TDRD7: variants seen among roughly 807,000 people sequenced by gnomAD.
TDRD7 encodes tudor domain containing 7.
A neutral mutation model predicts 109.8 loss-of-function variants in TDRD7; 47 were observed. That is an observed-to-expected ratio of 0.43 (90% CI 0.34 to 0.55). TDRD7 has a LOEUF of 0.55. TDRD7 is among the 20% of genes least tolerant of loss of function. The pLI is 0.03. For synonymous variants in TDRD7, 424 were observed against 457.3 expected (o/e 0.93, Z 0.93); for missense variants, 1,164 against 1,319.2 (o/e 0.88, Z 1.82).
At chr9:97,421,698 TTG>T (rs59218055) in intron 1 of TDRD7, among the ~76,000 whole-genome samples, 11,418 of 142,684 alleles carry the variant, frequency 0.08, 511 homozygotes, top group East Asian at 0.14. Flanking sequence ...TGCCCAGCTT[TTG>T]TGTGTGTGTG....
intron 5 of TDRD7, among the ~76,000 whole-genome samples, chr9:97,439,894 A>T (rs1828270311): frequency 6.6e-6 from 1 of 152,202 alleles, no homozygotes; most frequent in Non-Finnish European, 1.5e-5. Context: ...ACCACTTGTT[A>T]TCTTTTCTTC....
chr9:97,476,969 G>A (rs965228072), intron 12 of TDRD7, among the ~76,000 whole-genome samples: 4 of 152,076 alleles, frequency 2.6e-5, no homozygotes, highest in African/African-American at 9.7e-5. Context: ...TCAGAAGGCT[G>A]AAATCTCGGG....
chr9:97,467,332 G>A (rs1005192112), intron 8 of TDRD7, among the ~76,000 whole-genome samples: 3 of 152,172 alleles, frequency 2.0e-5, no homozygotes, highest in African/African-American at 7.2e-5. Context: ...AGTCTATAGG[G>A]CAGTCACTTT....
chr9:97,428,398 A>G, intron 1 of TDRD7, 62 bp from the exon 2 acceptor site: 4 of 1,516,996 alleles, frequency 2.6e-6, no homozygotes, highest in Non-Finnish European at 3.6e-6. Flanking sequence ...AGCTCTGAAA[A>G]TCTATTTGAA....
chr9:97,452,338 A>C (rs1828512258), intron 6 of TDRD7, among the ~76,000 whole-genome samples: 1 of 152,254 alleles, frequency 6.6e-6, no homozygotes, highest in Non-Finnish European at 1.5e-5. Flanking sequence ...AGGATATCTG[A>C]ATCAATTCCA....
intron 7 of TDRD7, among the ~76,000 whole-genome samples, chr9:97,461,109 C>T (rs1299679779): frequency 1.3e-5 from 2 of 151,182 alleles, no homozygotes; most frequent in African/African-American, 4.9e-5. Flanking sequence ...CCACTGCACT[C>T]CAGCCTGGGC....
rs1829392260 is a variant in TDRD7, at chr9:97,495,995, T to C, written c.*112T>C. On this transcript the variant is annotated 3_prime_UTR_variant, in exon 17 of 17. Transcript: ENST00000355295. The stretch of plus-strand genomic sequence containing the variant: ...ACATGGCTCTGACTGCTGTGGGGGA[T>C]TGAAAAGAATATGCTTATGTTTGAT... The C allele has an allele frequency of 1.2e-6, 1 of 835,740 alleles. No homozygotes were observed. The allele number at this position is 835,740 out of a possible 1,614,324, so 51.8% of individuals were successfully genotyped here.
At chr9:97,438,833 A>G (rs942158296) in intron 4 of TDRD7, among the ~76,000 whole-genome samples, 2 of 152,210 alleles carry the variant, frequency 1.3e-5, no homozygotes, top group African/African-American at 4.8e-5. Flanking sequence ...AACTCATTTA[A>G]GTGTTGTAAC....
chr9:97,467,951 T>G (rs1306945459), intron 8 of TDRD7, among the ~76,000 whole-genome samples: 1 of 152,226 alleles, frequency 6.6e-6, no homozygotes, highest in Non-Finnish European at 1.5e-5. Flanking sequence ...AGATTCAAGA[T>G]AAGCTACTGG....
intron 6 of TDRD7, among the ~76,000 whole-genome samples, chr9:97,446,896 G>C (rs1010522102): frequency 1.3e-5 from 2 of 152,190 alleles, no homozygotes; most frequent in African/African-American, 4.8e-5. Flanking sequence ...ATATCCTCAG[G>C]CTTAGTGGTA....
chr9:97,448,718 G>C (rs758995292), intron 6 of TDRD7, among the ~76,000 whole-genome samples: 16 of 152,170 alleles, frequency 1.1e-4, no homozygotes, highest in Non-Finnish European at 1.8e-4. Context: ...TGATTTTGCT[G>C]TACTGTCTCA....
At chr9:97,442,835 C>T (rs1828334406) in intron 6 of TDRD7, among the ~76,000 whole-genome samples, 1 of 150,852 alleles carries the variant, frequency 6.6e-6, no homozygotes, top group African/African-American at 2.4e-5. Context: ...CACTTTTTGT[C>T]ACCCAGGCTG....
intron 13 of TDRD7, 173 bp from the exon 14 acceptor site, chr9:97,480,653 TAG>T (rs1829100581): frequency 1.5e-6 from 1 of 656,888 alleles, no homozygotes. Context: ...GTTATATAAA[TAG>T]AGTTAGGAAC....
At chr9:97,451,028 C>T (rs556357326) in intron 6 of TDRD7, among the ~76,000 whole-genome samples, 2 of 151,894 alleles carry the variant, frequency 1.3e-5, no homozygotes, top group Non-Finnish European at 2.9e-5. Flanking sequence ...CCCAACCAAC[C>T]TCTGGGGAAG....
chr9:97,431,421 A>G (rs535148855), intron 3 of TDRD7, among the ~76,000 whole-genome samples: 1 of 152,314 alleles, frequency 6.6e-6, no homozygotes, highest in Non-Finnish European at 1.5e-5. Context: ...CTTATTTGAC[A>G]AATTATGTCT....
chr9:97,442,046 G>A (rs897355101), intron 6 of TDRD7, among the ~76,000 whole-genome samples, 171 bp downstream of exon 6: 1 of 152,140 alleles, frequency 6.6e-6, no homozygotes, highest in Non-Finnish European at 1.5e-5. Context: ...ATTTATAGAA[G>A]TATGTCAAAG....
chr9:97,459,983 TTTA>T (rs1206314707), intron 6 of TDRD7, among the ~76,000 whole-genome samples, 192 bp from the exon 7 acceptor site: 1 of 152,220 alleles, frequency 6.6e-6, no homozygotes, highest in East Asian at 1.9e-4. Context: ...TATTTTCCTT[TTTA>T]TTTCTGAAAT....
chr9:97,465,089 G>A, intron 8 of TDRD7, 61 bp downstream of exon 8: 4 of 1,539,962 alleles, frequency 2.6e-6, no homozygotes, highest in South Asian at 1.2e-5. Context: ...TTTTCCAAAT[G>A]TAAATATTTT....
At chr9:97,423,083 G>T (rs1827924994) in intron 1 of TDRD7, among the ~76,000 whole-genome samples, 1 of 152,204 alleles carries the variant, frequency 6.6e-6, no homozygotes, top group Non-Finnish European at 1.5e-5. Flanking sequence ...TTTTCTGGGA[G>T]AATCTGTAAG....
Sources: gnomAD v4.1 joint callset for allele counts (sites outside exome capture counted in the v4.1 genomes callset) on GRCh38, gnomAD v4.1.1 for gene constraint, MANE v1.5 for transcripts, NCBI Gene and HGNC (gene_info 2026-07-23, HGNC 2026-07-21) for gene names.